The following WASHC5 variants were observed in gnomAD, a reference collection of about 807,000 sequenced individuals.
The protein encoded by WASHC5 is WASH complex subunit strumpellin.
In WASHC5, 101 loss-of-function variants were observed where a neutral mutation model predicts 150.4. That is an observed-to-expected ratio of 0.67 (90% confidence interval 0.57 to 0.79). The LOEUF (loss-of-function observed/expected upper bound fraction) is 0.79, where lower values mean the gene tolerates loss of function less well. Ranked by LOEUF, WASHC5 falls within the 30% of genes least tolerant of loss-of-function variation. The pLI is 0.00. For missense variants in WASHC5, 1,195 were observed against 1,396.3 expected (o/e 0.86, Z 2.30); for synonymous variants, 467 against 491.2 (o/e 0.95, Z 0.65).
Position 125,061,107 on chromosome 8 carries a change from A to G in WASHC5, c.1496T>C (p.Val499Ala), listed in dbSNP as rs752453541. The change falls in exon 12 of 29, where the codon GTA becomes GCA. Residue 499 changes from valine (V) to alanine (A), a missense_variant. Val to Ala is a moderately conservative substitution (Grantham distance 64). Transcript: ENST00000318410. ...CTCTTCCAAAGCTTGTATCAGTTGT[A>G]CAGTTTTTCTGCCCGCAGCAGTAGA... is the stretch of plus-strand genomic sequence containing the variant. ...DDSTAAGRKT[V>A]QLIQALEEVQ... is the part of the protein sequence containing the mutation. 6.2e-7 allele frequency: 1 copy of G among 1,608,848 alleles called. No homozygotes were observed. The highest frequency in any genetic ancestry group is 8.5e-7 in the Non-Finnish European group (1 of 1,175,332).
At chr8:125,087,751 A>AG (rs1368466594) in intron 1 of WASHC5, among the ~76,000 whole-genome samples, 8 of 142,548 alleles carry the variant, frequency 5.6e-5, no homozygotes, top group African/African-American at 1.9e-4. Context: ...AAAAAAAAAA[A>AG]TTTTCTCACA....
At chr8:125,062,386 T>G (rs955419127) in intron 11 of WASHC5, among the ~76,000 whole-genome samples, 4 of 152,244 alleles carry the variant, frequency 2.6e-5, no homozygotes, top group African/African-American at 9.6e-5. Flanking sequence ...ATTTCATCTC[T>G]GAAACAAAGT....
chr8:125,082,498 A>G (rs1184497413), intron 3 of WASHC5, 31 bp from the exon 4 acceptor site: 1 of 1,164,482 alleles, frequency 8.6e-7, no homozygotes, highest in East Asian at 2.3e-5. Context: ...CAAGTTATTA[A>G]TTTATAATAG....
At chr8:125,082,987 C>T in intron 3 of WASHC5, 126 bp downstream of exon 3, 1 of 662,190 alleles carries the variant, frequency 1.5e-6, no homozygotes, top group East Asian at 2.8e-5. Context: ...GAAAAGACAA[C>T]TATATACAGT....
intron 5 of WASHC5, among the ~76,000 whole-genome samples, chr8:125,079,185 CTTTTTTTTTTTT>C (rs34211379): frequency 1.7e-5 from 1 of 57,560 alleles, no homozygotes; most frequent in Non-Finnish European, 2.9e-5. Context: ...TATATATAAC[CTTTTTTTTTTTT>C]TTTTTTTTTT....
At chr8:125,059,746 A>G (rs1382630656) in intron 12 of WASHC5, among the ~76,000 whole-genome samples, 1 of 152,232 alleles carries the variant, frequency 6.6e-6, no homozygotes, top group Non-Finnish European at 1.5e-5. Flanking sequence ...TCCGCTGCTT[A>G]TTGTGTATAT....
At position 125,089,947 on chromosome 8, in the gene WASHC5, T is replaced by C. The variant is rs1346115437; in HGVS notation, c.-125+1668A>G. On this transcript the variant is annotated intron_variant, in intron 1 of 28. Transcript: ENST00000318410. ...TATAAACTTTATATTAAATTTTTAATGCAAAAGCATATGAGTTATATTTAA... is the reference window on the plus strand; with the variant it reads ...TATAAACTTTATATTAAATTTTTAACGCAAAAGCATATGAGTTATATTTAA... Among the ~76,000 whole-genome samples, 5 of 152,322 alleles carry C rather than the reference T, an allele frequency of 3.3e-5. No homozygotes were observed. In the South Asian group the frequency reaches 8.3e-4, roughly 25 times the overall value.
chr8:125,050,932 A>G (rs181900711), intron 17 of WASHC5, among the ~76,000 whole-genome samples: 126 of 152,336 alleles, frequency 8.3e-4, no homozygotes, highest in African/African-American at 2.9e-3. Context: ...GTGAATAAGG[A>G]AAGTTTTAAA....
chr8:125,038,118 C>G (rs548522641), intron 25 of WASHC5, among the ~76,000 whole-genome samples: 1 of 152,148 alleles, frequency 6.6e-6, no homozygotes, highest in African/African-American at 2.4e-5. Context: ...ACTTGTTATG[C>G]AGTAAATATT....
At chr8:125,025,572 C>T (rs563427580) in intron 28 of WASHC5, among the ~76,000 whole-genome samples, 68 of 152,054 alleles carry the variant, frequency 4.5e-4, no homozygotes, top group Non-Finnish European at 7.6e-4. Context: ...TCTGTAATCA[C>T]AGCTACTCAG....
intron 17 of WASHC5, among the ~76,000 whole-genome samples, chr8:125,055,279 TG>T (rs1299593837): frequency 6.6e-6 from 1 of 152,050 alleles, no homozygotes; most frequent in Non-Finnish European, 1.5e-5. Flanking sequence ...AAAAATTAGC[TG>T]GGTGTGGTGT....
chr8:125,063,778 C>T (rs1384628336), intron 10 of WASHC5, 127 bp from the exon 11 acceptor site: 1 of 826,664 alleles, frequency 1.2e-6, no homozygotes, highest in African/African-American at 1.7e-5. Flanking sequence ...TTAACATTGA[C>T]CCTGATGTCA....
At chr8:125,068,692 C>T (rs990532390) in intron 9 of WASHC5, among the ~76,000 whole-genome samples, 2 of 152,154 alleles carry the variant, frequency 1.3e-5, no homozygotes, top group Non-Finnish European at 2.9e-5. Flanking sequence ...AAACAAGAAG[C>T]AGCAGACCTC....
intron 17 of WASHC5, among the ~76,000 whole-genome samples, chr8:125,050,920 C>T (rs1328209033): frequency 6.6e-6 from 1 of 152,274 alleles, no homozygotes; most frequent in African/African-American, 2.4e-5. Context: ...ATTTCAAAGA[C>T]GGTGAATAAG....
chr8:125,065,160 G>A (rs112905238), intron 10 of WASHC5, among the ~76,000 whole-genome samples: 3 of 152,274 alleles, frequency 2.0e-5, no homozygotes, highest in African/African-American at 7.2e-5. Flanking sequence ...GTCATATAAA[G>A]ATTAGAAAAA....
chr8:125,036,285 A>C (rs527663560), intron 26 of WASHC5, among the ~76,000 whole-genome samples: 8 of 152,254 alleles, frequency 5.3e-5, no homozygotes, highest in Non-Finnish European at 2.9e-5. Context: ...CTGCCTAAAC[A>C]TTAAAGAAGA....
chr8:125,063,907 T>G (rs1226224521), intron 10 of WASHC5, among the ~76,000 whole-genome samples: 1 of 152,134 alleles, frequency 6.6e-6, no homozygotes, highest in Non-Finnish European at 1.5e-5. Flanking sequence ...TTTAAAGTTT[T>G]CAGATTCTCA....
intron 27 of WASHC5, among the ~76,000 whole-genome samples, chr8:125,028,921 G>T (rs977408972): frequency 1.3e-5 from 2 of 152,056 alleles, no homozygotes; most frequent in Admixed American, 6.6e-5. Context: ...TTCTCTATAC[G>T]GTTTCCATGG....
Position 125,039,744 on chromosome 8 carries a change from A to G in WASHC5, c.2954+51T>C, listed in dbSNP as rs745549627. On this transcript the variant is annotated intron_variant, in intron 24 of 28. Transcript: ENST00000318410. ...GAACTGAAGAAACTGGGGTGCGTAG[A>G]TAATAAACAATCCAAGCCCACGGAT... 1.7e-5 allele frequency: 21 copies of G among 1,240,108 alleles called. No individual in the cohort carries two copies. The South Asian group carries it at 2.4e-4, about 14-fold the overall frequency. 76.8% of individuals were successfully genotyped at this position (1,240,108 alleles called of 1,614,324 possible).
Sources: allele counts gnomAD v4.1 joint callset (sites outside exome capture counted in the v4.1 genomes callset), GRCh38; gene constraint gnomAD v4.1.1; transcripts MANE v1.5; gene names NCBI Gene and HGNC (gene_info 2026-07-23, HGNC 2026-07-21).